PRICKLE2: variants seen among roughly 807,000 people sequenced by gnomAD.
PRICKLE2 encodes the protein prickle planar cell polarity protein 2, also known as prickle-like protein 2.
A neutral mutation model predicts 81.4 loss-of-function variants in PRICKLE2; 21 were observed. The observed-to-expected ratio is 0.26, with a 90% CI of 0.18 to 0.37. The LOEUF is 0.37. Among genes scored for constraint, PRICKLE2 ranks in the 10% least tolerant of loss-of-function variants. The pLI is 1.00. For missense variants in PRICKLE2, 940 were observed against 1,109.0 expected (o/e 0.85, Z 2.16); for synonymous variants, 456 against 421.5 (o/e 1.08, Z -1.00).
intron 1 of PRICKLE2, among the ~76,000 whole-genome samples, chr3:64,217,753 G>A (rs892985516): frequency 3.9e-5 from 6 of 152,140 alleles, no homozygotes; most frequent in Admixed American, 6.5e-5. Context: ...AAAACGTGTC[G>A]ATTATTTGTG....
intron 2 of PRICKLE2, among the ~76,000 whole-genome samples, chr3:64,239,414 T>G (rs945118610): frequency 9.2e-5 from 14 of 152,034 alleles, no homozygotes; most frequent in African/African-American, 3.1e-4. Flanking sequence ...TGAAAGAAAG[T>G]TACAGTCAGC....
intron 7 of PRICKLE2, among the ~76,000 whole-genome samples, chr3:64,131,392 T>C (rs1189302519): frequency 6.6e-6 from 1 of 152,216 alleles, no homozygotes; most frequent in Non-Finnish European, 1.5e-5. Context: ...CAGTCTTTCT[T>C]CTTAAGGACC....
At chr3:64,122,944 C>T (rs1307448217) in intron 7 of PRICKLE2, among the ~76,000 whole-genome samples, 2 of 152,162 alleles carry the variant, frequency 1.3e-5, no homozygotes, top group Non-Finnish European at 2.9e-5. Flanking sequence ...CAACTCTTGG[C>T]CATCAGAGCT....
chr3:64,252,504 G>T (rs1250898335), intron 2 of PRICKLE2, among the ~76,000 whole-genome samples: 2 of 152,240 alleles, frequency 1.3e-5, no homozygotes, highest in Middle Eastern at 3.4e-3. Context: ...TCCCAACATC[G>T]ATTCTTTACC....
intron 2 of PRICKLE2, among the ~76,000 whole-genome samples, chr3:64,237,067 A>C (rs1016513886): frequency 1.3e-5 from 2 of 151,970 alleles, no homozygotes; most frequent in Admixed American, 6.6e-5. Context: ...CACGCAGGTG[A>C]GTGGGTTCAG....
intron 7 of PRICKLE2, among the ~76,000 whole-genome samples, chr3:64,127,803 A>T (rs2077133507): frequency 6.6e-6 from 1 of 151,728 alleles, no homozygotes; most frequent in Non-Finnish European, 1.5e-5. Flanking sequence ...TGTAAAGGCA[A>T]ACTTGGAATC....
At chr3:64,232,170 A>T (rs1207702675) in intron 2 of PRICKLE2, among the ~76,000 whole-genome samples, 2 of 152,162 alleles carry the variant, frequency 1.3e-5, no homozygotes, top group African/African-American at 4.8e-5. Flanking sequence ...TTGGTTAGTT[A>T]TGATGATCCA....
intron 4 of PRICKLE2, 99 bp downstream of exon 4, chr3:64,159,841 A>C (rs2077701365): frequency 6.1e-6 from 9 of 1,469,612 alleles, no homozygotes; most frequent in Non-Finnish European, 8.6e-6. Flanking sequence ...ACTGTATCTC[A>C]GGCACATAGT....
At chr3:64,154,635 T>C (rs2077599460) in intron 5 of PRICKLE2, 1 of 152,174 alleles carries the variant, frequency 6.6e-6, no homozygotes, top group African/African-American at 2.4e-5. Context: ...TGTAAATCTT[T>C]ATGATCTTGA....
intron 2 of PRICKLE2, among the ~76,000 whole-genome samples, chr3:64,255,290 T>C (rs1486954813): frequency 6.6e-6 from 1 of 152,202 alleles, no homozygotes; most frequent in Non-Finnish European, 1.5e-5. Flanking sequence ...AAAAGTTTGG[T>C]AGAATCTCAA....
At chr3:64,245,868 G>A (rs868629961) in intron 2 of PRICKLE2, among the ~76,000 whole-genome samples, 13 of 152,298 alleles carry the variant, frequency 8.5e-5, no homozygotes, top group Middle Eastern at 6.8e-3. Flanking sequence ...CAATAACCTA[G>A]TTATTTCTGC....
Position 64,258,893 on chromosome 3 carries a change from G to GAAAGAAAT in PRICKLE2, c.129-59927_129-59926insATTTCTTT, listed in dbSNP as rs796940955. 2.4e-3 allele frequency among the ~76,000 whole-genome samples: 343 copies of GAAAGAAAT among 140,602 alleles called. 3 individuals carry two copies. Among genetic ancestry groups the GAAAGAAAT allele is most frequent in the East Asian group, 9.1e-3 (42 of 4,600 alleles). The allele number at this position is 140,602 out of a possible 152,430, so 92.2% of individuals were successfully genotyped here. On this transcript the variant is annotated intron_variant, in intron 2 of 8. Coordinates refer to the PRICKLE2 transcript ENST00000295902. ...AGAAAGAAAGAAAGAAAGAAAGAAA[G>GAAAGAAAT]AAATCAGGAGAGTGGTTAGAATTAA...
rs372400638 is a variant in PRICKLE2 at position 64,146,869 on chromosome 3, G to T, written c.1621C>A (p.Arg541=). 8.1e-6 allele frequency: 13 copies of T among 1,614,008 alleles called. No homozygotes were observed. The highest frequency in any genetic ancestry group is 1.3e-5 in the African/African-American group (1 of 74,896). ...AGGGCCAGGGATTCCATGGAGCCCC[G>T]AGGGGTCTGCTCTGTGGGCGTCATG... ...EDMTPTEQTP[R]GSMESLALSN... is the part of the protein sequence containing the mutation. The change falls in exon 7 of 8, where the codon CGG becomes AGG. Residue 541 remains arginine (R), a synonymous_variant. Transcript: ENST00000638394.
chr3:64,215,862 C>T (rs1371685112), intron 1 of PRICKLE2, among the ~76,000 whole-genome samples: 1 of 152,172 alleles, frequency 6.6e-6, no homozygotes, highest in Non-Finnish European at 1.5e-5. Flanking sequence ...TGAAAGAACG[C>T]CTCAAGTACA....
chr3:64,115,636 C>A (rs891946987), intron 7 of PRICKLE2, among the ~76,000 whole-genome samples: 4 of 152,142 alleles, frequency 2.6e-5, no homozygotes, highest in African/African-American at 9.7e-5. Flanking sequence ...TGGAATTCAG[C>A]AAGAAAATCT....
chr3:64,117,650 T>C (rs1488007629), intron 7 of PRICKLE2, among the ~76,000 whole-genome samples: 1 of 151,774 alleles, frequency 6.6e-6, no homozygotes, highest in Non-Finnish European at 1.5e-5. Context: ...ACTAGGGAGG[T>C]GAAAGATCTC....
chr3:64,244,680 G>A lies in PRICKLE2; in HGVS notation c.129-45713C>T, dbSNP rs192709791. On this transcript the variant is annotated intron_variant, in intron 2 of 8. Coordinates refer to the PRICKLE2 transcript ENST00000295902. ...AGACAGGGAGAGAGAGACAGAAAGC[G>A]AAAAAATGGGAATGGATATATTCAT... is the stretch of plus-strand genomic sequence containing the variant. Among the ~76,000 whole-genome samples, 43 of 151,582 alleles carry A rather than the reference G, an allele frequency of 2.8e-4. No individual in the cohort carries two copies. The East Asian group carries it at 7.2e-3, about 25-fold the overall frequency.
chr3:64,244,631 T>C (rs2079319141), intron 2 of PRICKLE2, among the ~76,000 whole-genome samples: 1 of 151,838 alleles, frequency 6.6e-6, no homozygotes, highest in South Asian at 2.1e-4. Flanking sequence ...TGTGTGTGTG[T>C]GTGTCTGATA....
intron 2 of PRICKLE2, among the ~76,000 whole-genome samples, chr3:64,171,703 G>A (rs1033025650): frequency 7.2e-5 from 11 of 152,212 alleles, no homozygotes; most frequent in Non-Finnish European, 1.3e-4. Context: ...GACACATACA[G>A]CAAGAGAATA....
Sources: gnomAD v4.1 joint callset for allele counts (sites outside exome capture counted in the v4.1 genomes callset) on GRCh38, gnomAD v4.1.1 for gene constraint, MANE v1.5 for transcripts, NCBI Gene and HGNC (gene_info 2026-07-23, HGNC 2026-07-21) for gene names.